MAPKAP1: variants seen among roughly 807,000 people sequenced by gnomAD.
MAPKAP1 encodes target of rapamycin complex 2 subunit MAPKAP1.
In MAPKAP1, 20 loss-of-function variants were observed where a neutral mutation model predicts 65.7. The observed-to-expected ratio is 0.30, with a 90% CI of 0.21 to 0.44. The LOEUF (loss-of-function observed/expected upper bound fraction) is 0.44, where lower values mean the gene tolerates loss of function less well. Among genes scored for constraint, MAPKAP1 ranks in the 20% least tolerant of loss-of-function variants. The pLI, the probability that MAPKAP1 is intolerant of heterozygous loss-of-function variation, is 1.00. For missense variants in MAPKAP1, 423 were observed against 648.0 expected (o/e 0.65, Z 3.77); for synonymous variants, 222 against 244.3 (o/e 0.91, Z 0.85).
At chr9:125,473,894 A>G (rs1589221135) in intron 9 of MAPKAP1, among the ~76,000 whole-genome samples, 1 of 152,206 alleles carries the variant, frequency 6.6e-6, no homozygotes, top group East Asian at 1.9e-4. Context: ...GACTTGGGAA[A>G]AACTTCTATA....
At chr9:125,673,076 C>A (rs558973740) in intron 1 of MAPKAP1, among the ~76,000 whole-genome samples, 6 of 152,320 alleles carry the variant, frequency 3.9e-5, no homozygotes, top group African/African-American at 1.4e-4. Flanking sequence ...GTTTACATTT[C>A]CCCTCCTGTC....
At chr9:125,621,775 G>A (rs145023410) in intron 4 of MAPKAP1, among the ~76,000 whole-genome samples, 13 of 152,306 alleles carry the variant, frequency 8.5e-5, no homozygotes, top group African/African-American at 2.6e-4. Flanking sequence ...CTATACATGG[G>A]TTCTTAAGGC....
intron 5 of MAPKAP1, among the ~76,000 whole-genome samples, chr9:125,578,613 G>A (rs1199489801): frequency 6.6e-6 from 1 of 152,146 alleles, no homozygotes; most frequent in East Asian, 1.9e-4. Flanking sequence ...GATTGCTGAT[G>A]AAGCAAAGAA....
chr9:125,590,820 C>A (rs1364158042), intron 4 of MAPKAP1, among the ~76,000 whole-genome samples: 4 of 151,824 alleles, frequency 2.6e-5, no homozygotes, highest in African/African-American at 7.3e-5. Context: ...GCTGCCCAAA[C>A]TGGAGTGCAG....
At chr9:125,594,750 C>T (rs1251167271) in intron 4 of MAPKAP1, among the ~76,000 whole-genome samples, 4 of 152,178 alleles carry the variant, frequency 2.6e-5, no homozygotes, top group African/African-American at 4.8e-5. Context: ...GGAAAAATAG[C>T]CTCATCCATT....
chr9:125,577,332 C>G (rs536519713), intron 5 of MAPKAP1, among the ~76,000 whole-genome samples: 2 of 151,438 alleles, frequency 1.3e-5, no homozygotes, highest in African/African-American at 4.8e-5. Context: ...GCAGCCACCC[C>G]GTCTGGTAAG....
chr9:125,527,200 G>A (rs1354304773), intron 7 of MAPKAP1, among the ~76,000 whole-genome samples: 2 of 152,028 alleles, frequency 1.3e-5, no homozygotes, highest in African/African-American at 4.8e-5. Context: ...TGGAGTAGCT[G>A]GGACTACAGG....
intron 3 of MAPKAP1, 141 bp from the exon 4 acceptor site, chr9:125,657,940 A>G: frequency 2.7e-6 from 2 of 747,920 alleles, no homozygotes; most frequent in Middle Eastern, 3.3e-4. Flanking sequence ...AAAGCCCCAC[A>G]ATATACCGTG....
chr9:125,628,479 T>C (rs770077096), intron 4 of MAPKAP1, among the ~76,000 whole-genome samples: 16 of 152,158 alleles, frequency 1.1e-4, no homozygotes, highest in Non-Finnish European at 1.6e-4. Flanking sequence ...GCAAATGGCA[T>C]TGGGAAAATG....
At chr9:125,549,305 A>G (rs887337359) in intron 6 of MAPKAP1, among the ~76,000 whole-genome samples, 5 of 152,246 alleles carry the variant, frequency 3.3e-5, no homozygotes, top group Admixed American at 6.5e-5. Context: ...ATAGTGATGA[A>G]GACACACTCT....
intron 1 of MAPKAP1, among the ~76,000 whole-genome samples, chr9:125,677,091 C>G (rs550259491): frequency 1.3e-5 from 2 of 152,190 alleles, no homozygotes; most frequent in Non-Finnish European, 2.9e-5. Context: ...GCTGTCTCTT[C>G]AGGCCTTGAA....
rs148061530 is a variant in MAPKAP1, at chr9:125,625,236, T to TAAAAA, written c.498+32410_498+32414dup. On this transcript the variant is annotated intron_variant, in intron 4 of 11. Coordinates refer to ENST00000265960, the MANE Select transcript of MAPKAP1 (RefSeq NM_001006617.3). ...GTGAGAAACACCCAAGAATTATCAA[T>TAAAAA]AAAAAAAAAATAAATAAATAAAAAA... Among the ~76,000 whole-genome samples the TAAAAA allele has an allele frequency of 1.5e-3, 79 of 54,440 alleles. 1 individual carries two copies. The highest frequency in any genetic ancestry group is 5.1e-3 in the African/African-American group (70 of 13,780). The allele number at this position is 54,440 out of a possible 152,430, so 35.7% of individuals were successfully genotyped here. A position where few individuals can be genotyped will look rare whatever the true frequency, so the allele number is the denominator to read the frequency against.
At chr9:125,557,175 T>C (rs540361536) in intron 6 of MAPKAP1, among the ~76,000 whole-genome samples, 6 of 152,142 alleles carry the variant, frequency 3.9e-5, no homozygotes, top group Non-Finnish European at 7.4e-5. Flanking sequence ...GCAGGGTTCA[T>C]AGTGAAACAC....
intron 10 of MAPKAP1, among the ~76,000 whole-genome samples, chr9:125,450,339 C>A (rs919279590): frequency 3.7e-4 from 57 of 152,260 alleles, no homozygotes; most frequent in African/African-American, 1.3e-3. Flanking sequence ...CACACCCCAC[C>A]CCAAAATCCC....
At chr9:125,607,046 G>T (rs902216259) in intron 4 of MAPKAP1, among the ~76,000 whole-genome samples, 1 of 152,072 alleles carries the variant, frequency 6.6e-6, no homozygotes, top group African/African-American at 2.4e-5. Context: ...TGCCAAAACT[G>T]GAATAATATT....
intron 7 of MAPKAP1, among the ~76,000 whole-genome samples, chr9:125,528,535 AG>A (rs551358760): frequency 8.5e-5 from 13 of 152,338 alleles, no homozygotes; most frequent in Admixed American, 2.6e-4. Flanking sequence ...TGAGGACTCA[AG>A]GAAGTCTTTT....
chr9:125,614,909 G>C (rs1156664879), intron 4 of MAPKAP1, among the ~76,000 whole-genome samples: 1 of 151,928 alleles, frequency 6.6e-6, no homozygotes, highest in Non-Finnish European at 1.5e-5. Context: ...GCAATAAAAA[G>C]AATTTTTTAA....
chr9:125,550,023 G>A (rs1830541232), intron 6 of MAPKAP1, among the ~76,000 whole-genome samples: 1 of 152,226 alleles, frequency 6.6e-6, no homozygotes, highest in Non-Finnish European at 1.5e-5. Context: ...CTTGGCAGGA[G>A]TTTAAGTGTG....
chr9:125,669,810 C>A lies in MAPKAP1; in HGVS notation c.349+8G>T. Reference sequence around the variant, plus strand: ...CTCAAATTAAGAATTAAAATCATTTCCATTTACCTGATTGCTTAGAATTTC... The same window carrying A: ...CTCAAATTAAGAATTAAAATCATTTACATTTACCTGATTGCTTAGAATTTC... On this transcript the variant is annotated splice_region_variant and intron_variant, in intron 3 of 11. Coordinates refer to ENST00000265960, the MANE Select transcript of MAPKAP1 (RefSeq NM_001006617.3). The A allele has an allele frequency of 7.1e-7, 1 of 1,404,398 alleles. No homozygotes were observed. 87.0% of individuals were successfully genotyped at this position (1,404,398 alleles called of 1,614,324 possible).
Sources: allele counts gnomAD v4.1 joint callset (sites outside exome capture counted in the v4.1 genomes callset), GRCh38; gene constraint gnomAD v4.1.1; transcripts MANE v1.5; gene names NCBI Gene and HGNC (gene_info 2026-07-23, HGNC 2026-07-21).